Variants in ZNF713 observed in about 807,000 individuals in gnomAD.
ZNF713 encodes zinc finger protein 713.
In ZNF713, 21 loss-of-function variants were observed where a neutral mutation model predicts 28.7. The observed-to-expected ratio is 0.73, with a 90% CI of 0.52 to 1.05. The LOEUF (loss-of-function observed/expected upper bound fraction) is 1.05, where lower values mean the gene tolerates loss of function less well. Among genes scored for constraint, ZNF713 ranks in the 50% least tolerant of loss-of-function variants. The pLI is 0.00. For missense variants in ZNF713, 458 were observed against 532.4 expected, an observed-to-expected ratio of 0.86 and a Z score of 1.37; for synonymous variants, 167 against 178.0, an observed-to-expected ratio of 0.94 and a Z score of 0.49.
intron 4 of ZNF713, among the ~76,000 whole-genome samples, chr7:55,916,199 C>T (rs1306619318): frequency 6.6e-6 from 1 of 152,358 alleles, no homozygotes; most frequent in African/African-American, 2.4e-5. Context: ...AACCCAAAGT[C>T]CTTAAGATGG....
chr7:55,934,165 T>C (rs1453263678), intron 6 of ZNF713, among the ~76,000 whole-genome samples: 1 of 152,198 alleles, frequency 6.6e-6, no homozygotes, highest in Non-Finnish European at 1.5e-5. Flanking sequence ...TAGGATCTCC[T>C]TAAAACAGAG....
intron 6 of ZNF713, among the ~76,000 whole-genome samples, chr7:55,927,878 C>T (rs1417146446): frequency 1.0e-5 from 1 of 96,486 alleles, no homozygotes; most frequent in Non-Finnish European, 1.8e-5. Flanking sequence ...GCCTGGGTGA[C>T]AGAGCAAGAC....
At chr7:55,938,080 T>C (rs1786389415) in intron 6 of ZNF713, among the ~76,000 whole-genome samples, 1 of 152,136 alleles carries the variant, frequency 6.6e-6, no homozygotes, top group South Asian at 2.1e-4. Flanking sequence ...GGTACATACC[T>C]GTAATCCCAG....
intron 1 of ZNF713, among the ~76,000 whole-genome samples, chr7:55,901,623 C>T (rs2116187966): frequency 6.6e-6 from 1 of 152,224 alleles, no homozygotes; most frequent in South Asian, 2.1e-4. Flanking sequence ...GGAGAACTTC[C>T]AGATTGGTGA....
chr7:55,923,252 G>A lies in ZNF713; in HGVS notation c.178G>A (p.Val60Met), dbSNP rs373401601. The change falls in exon 5 of 7, where the codon GTG becomes ATG. Residue 60 changes from valine (V) to methionine (M), a missense_variant. Val to Met is a conservative substitution (Grantham distance 21, BLOSUM62 1). Transcript: ENST00000429591. ...TGCCCAAAAGAACCTCTATCGAGAC[G>A]TGATGCTGGAGAACTACAGGAATCT... ...YPAQKNLYRDVMLENYRNLVA... is the reference protein window; with the variant it reads ...YPAQKNLYRDMMLENYRNLVA... 2.5e-6 allele frequency: 4 copies of A among 1,613,500 alleles called. No homozygotes were observed. In the Admixed American group the frequency reaches 5.0e-5, roughly 20 times the overall value.
intron 1 of ZNF713, among the ~76,000 whole-genome samples, chr7:55,905,461 AT>A (rs1262578500): frequency 6.6e-6 from 1 of 152,162 alleles, no homozygotes; most frequent in Non-Finnish European, 1.5e-5. Context: ...TTAGGCATGG[AT>A]TTTGGTATCC....
intron 4 of ZNF713, chr7:55,918,435 A>G (rs1660813597): frequency 5.6e-6 from 1 of 178,206 alleles, no homozygotes; most frequent in South Asian, 1.3e-4. Context: ...ATGGTTTGTT[A>G]TGCAGCAAGA....
In ZNF713 at chr7:55,887,884, GGCGGGCGGC is replaced by G. The variant is rs1785304139; in HGVS notation, c.-583+206_-583+214del. ...GGCGGGCGGCGGCGGCGGCGGCGGC[GGCGGGCGGC>G]GGCGGCGGCGGGAGGCGGCAGGTGG... is the stretch of plus-strand genomic sequence containing the variant. On this transcript the variant is annotated intron_variant, in intron 1 of 6. Transcript: ENST00000429591. Among the ~76,000 whole-genome samples the G allele has an allele frequency of 3.6e-5, 4 of 111,014 alleles. 1 individual carries two copies. The highest frequency in any genetic ancestry group is 6.2e-4 in the South Asian group (2 of 3,214). The allele number at this position is 111,014 out of a possible 152,430, so 72.8% of individuals were successfully genotyped here.
intron 1 of ZNF713, among the ~76,000 whole-genome samples, chr7:55,891,066 A>G (rs749295108): frequency 3.3e-5 from 5 of 152,136 alleles, no homozygotes; most frequent in Admixed American, 1.3e-4. Context: ...AATTCCTAGC[A>G]TAGATTAAGG....
At chr7:55,923,748 C>A in intron 6 of ZNF713, 49 bp downstream of exon 6, 1 of 1,455,170 alleles carries the variant, frequency 6.9e-7, no homozygotes, top group East Asian at 2.3e-5. Flanking sequence ...AAAACAGCCA[C>A]TTCTGAACCA....
At chr7:55,891,099 T>A (rs1051506230) in intron 1 of ZNF713, among the ~76,000 whole-genome samples, 1 of 152,160 alleles carries the variant, frequency 6.6e-6, no homozygotes, top group Non-Finnish European at 1.5e-5. Flanking sequence ...AAGTTTTGAA[T>A]GAACACTAAA....
intron 4 of ZNF713, among the ~76,000 whole-genome samples, chr7:55,922,564 A>G (rs1320852868): frequency 1.3e-5 from 2 of 150,918 alleles, no homozygotes; most frequent in Non-Finnish European, 3.0e-5. Flanking sequence ...AGAAGTTGCC[A>G]CAGCCACCCC....
intron 6 of ZNF713, among the ~76,000 whole-genome samples, chr7:55,932,790 G>A (rs1334526417): frequency 1.5e-4 from 21 of 143,990 alleles, no homozygotes; most frequent in Non-Finnish European, 2.1e-4. Context: ...AGGCTGAGGT[G>A]GGAGAATGGC....
At chr7:55,910,816 C>T (rs756999491) in intron 2 of ZNF713, among the ~76,000 whole-genome samples, 3 of 152,098 alleles carry the variant, frequency 2.0e-5, no homozygotes, top group Admixed American at 2.0e-4. Flanking sequence ...CCAGCTTCTA[C>T]CCATGGGTTC....
chr7:55,935,965 A>G (rs1443930767), intron 6 of ZNF713, among the ~76,000 whole-genome samples: 1 of 149,550 alleles, frequency 6.7e-6, no homozygotes, highest in Non-Finnish European at 1.5e-5. Context: ...AAGAAAAAAA[A>G]GAGAAAGATC....
At chr7:55,934,016 T>A (rs1210534261) in intron 6 of ZNF713, among the ~76,000 whole-genome samples, 1 of 152,086 alleles carries the variant, frequency 6.6e-6, no homozygotes, top group Non-Finnish European at 1.5e-5. Flanking sequence ...AATTTTTTGT[T>A]AAGGATAATT....
chr7:55,923,516 A>G, intron 5 of ZNF713, 91 bp from the exon 6 acceptor site: 1 of 1,238,752 alleles, frequency 8.1e-7, no homozygotes, highest in East Asian at 2.5e-5. Flanking sequence ...TCTCCCCTCC[A>G]GAGGCTCTAA....
At chr7:55,901,356 C>A (rs1384313202) in intron 1 of ZNF713, among the ~76,000 whole-genome samples, 1 of 152,122 alleles carries the variant, frequency 6.6e-6, no homozygotes, top group East Asian at 1.9e-4. Context: ...AAGAGACCTG[C>A]CCCCATGATT....
chr7:55,919,866 AT>A (rs568063954), intron 4 of ZNF713, among the ~76,000 whole-genome samples: 4,909 of 150,242 alleles, frequency 0.033, 261 homozygotes, highest in African/African-American at 0.11. Flanking sequence ...CCTCAAGTGT[AT>A]TTTTTTTTTT....
Sources: allele counts gnomAD v4.1 joint callset (sites outside exome capture counted in the v4.1 genomes callset), GRCh38; gene constraint gnomAD v4.1.1; transcripts MANE v1.5; gene names NCBI Gene and HGNC (gene_info 2026-07-23, HGNC 2026-07-21).